Variants in MCPH1 observed in about 807,000 individuals in gnomAD.
The protein encoded by MCPH1 is microcephalin 1.
MCPH1 carries 104 observed loss-of-function variants against 84.5 expected under a neutral mutation model. The observed-to-expected ratio is 1.23, with a 90% CI of 1.05 to 1.45. The LOEUF (loss-of-function observed/expected upper bound fraction) is 1.45. MCPH1 is among the 40% of genes most tolerant of loss of function. The pLI is 0.00. For missense variants in MCPH1, 1,498 were observed against 1,005.7 expected (o/e 1.49, Z -6.62); for synonymous variants, 514 against 366.8 (o/e 1.40, Z -4.58).
At chr8:6,504,778 C>G (rs1419964816) in intron 12 of MCPH1, among the ~76,000 whole-genome samples, 3 of 152,086 alleles carry the variant, frequency 2.0e-5, no homozygotes, top group East Asian at 1.9e-4. Flanking sequence ...TGTTAAGTCT[C>G]TTGTGACTAG....
intron 9 of MCPH1, among the ~76,000 whole-genome samples, chr8:6,461,436 T>G (rs753260053): frequency 1.3e-5 from 2 of 151,644 alleles, no homozygotes; most frequent in African/African-American, 4.8e-5. Flanking sequence ...AAGTGATTCT[T>G]GTGTCTCAAC....
At chr8:6,407,752 C>T (rs1005289645) in intron 1 of MCPH1, among the ~76,000 whole-genome samples, 1 of 152,196 alleles carries the variant, frequency 6.6e-6, no homozygotes, top group Non-Finnish European at 1.5e-5. Context: ...TTTTAAACAT[C>T]AGGTTTTGAG....
At chr8:6,544,511 A>G (rs1268498019) in intron 12 of MCPH1, among the ~76,000 whole-genome samples, 3 of 152,216 alleles carry the variant, frequency 2.0e-5, no homozygotes, top group African/African-American at 7.2e-5. Flanking sequence ...ACAAAATACC[A>G]GCTCTAGGGA....
chr8:6,540,991 G>T lies in MCPH1; in HGVS notation c.2214+41062G>T, dbSNP rs569887039. Among the ~76,000 whole-genome samples, 3 of 152,186 alleles carry T rather than the reference G, an allele frequency of 2.0e-5. No individual in the cohort carries two copies. The East Asian group carries it at 5.8e-4, about 30-fold the overall frequency. ...CCAGGGGGCAGGTGGAGCCTAGTGG[G>T]CATTCATGACCCAGGTTTTGGAGCT... On this transcript the variant is annotated intron_variant, in intron 12 of 13. Transcript: ENST00000344683.
chr8:6,549,777 T>C (rs1823290880), intron 12 of MCPH1, among the ~76,000 whole-genome samples: 2 of 152,214 alleles, frequency 1.3e-5, no homozygotes, highest in Non-Finnish European at 2.9e-5. Context: ...GTCCTCTATA[T>C]CTTGAGCTGG....
chr8:6,486,135 C>T (rs1165759033), intron 11 of MCPH1, among the ~76,000 whole-genome samples: 3 of 152,194 alleles, frequency 2.0e-5, no homozygotes, highest in Non-Finnish European at 2.9e-5. Flanking sequence ...GCTTAGCACC[C>T]ACTTTAATAT....
At chr8:6,468,514 A>G (rs916127529) in intron 9 of MCPH1, among the ~76,000 whole-genome samples, 1 of 152,242 alleles carries the variant, frequency 6.6e-6, no homozygotes, top group Non-Finnish European at 1.5e-5. Context: ...GTGCATGTGT[A>G]GACCCCATGG....
At chr8:6,524,698 T>C (rs974993923) in intron 12 of MCPH1, among the ~76,000 whole-genome samples, 4 of 152,170 alleles carry the variant, frequency 2.6e-5, no homozygotes, top group Non-Finnish European at 5.9e-5. Context: ...GTTTTGATGG[T>C]CTTCACATCA....
intron 12 of MCPH1, among the ~76,000 whole-genome samples, chr8:6,524,983 T>C (rs1818058665): frequency 6.6e-6 from 1 of 152,252 alleles, no homozygotes. Context: ...CATGTCTGTC[T>C]AGGTGAATAT....
intron 9 of MCPH1, among the ~76,000 whole-genome samples, chr8:6,455,669 C>A (rs1805595681): frequency 6.6e-6 from 1 of 152,216 alleles, no homozygotes; most frequent in African/African-American, 2.4e-5. Flanking sequence ...TATACTAACA[C>A]TCAGGTACAC....
intron 12 of MCPH1, chr8:6,502,867 G>A: frequency 2.0e-6 from 1 of 506,324 alleles, no homozygotes; most frequent in Non-Finnish European, 3.5e-6. Context: ...CTTTGCATAG[G>A]TGTTCTGTCT....
At chr8:6,473,938 C>G (rs1808097031) in intron 9 of MCPH1, 1 of 1,446,832 alleles carries the variant, frequency 6.9e-7, no homozygotes, top group African/African-American at 1.4e-5. Flanking sequence ...GCAGCCGATG[C>G]ACAACTTCTT....
At chr8:6,504,174 C>G (rs2515599) in intron 12 of MCPH1, among the ~76,000 whole-genome samples, 6 of 151,728 alleles carry the variant, frequency 4.0e-5, no homozygotes, top group Non-Finnish European at 7.4e-5. Flanking sequence ...AAAAATTAGC[C>G]GGGCGTGGTG....
chr8:6,500,722 A>G (rs938849331), intron 12 of MCPH1: 1 of 152,202 alleles, frequency 6.6e-6, no homozygotes. Context: ...TTAAGGAGAG[A>G]CAAAAGCTCC....
At chr8:6,464,116 G>T (rs772133854) in intron 9 of MCPH1, among the ~76,000 whole-genome samples, 2 of 152,164 alleles carry the variant, frequency 1.3e-5, no homozygotes, top group Non-Finnish European at 2.9e-5. Flanking sequence ...CCCGCTGTAC[G>T]CAGAAAGATA....
At chr8:6,631,056 G>C (rs3020264) in intron 13 of MCPH1, among the ~76,000 whole-genome samples, 6 of 152,010 alleles carry the variant, frequency 3.9e-5, no homozygotes, top group African/African-American at 1.4e-4. Flanking sequence ...AAATGCATAC[G>C]GCAACCAGGC....
intron 13 of MCPH1, among the ~76,000 whole-genome samples, chr8:6,639,083 G>A (rs937300689): frequency 6.6e-5 from 10 of 152,180 alleles, no homozygotes; most frequent in Non-Finnish European, 1.3e-4. Context: ...TCTTGTCTCT[G>A]TTTAAAGATC....
At chr8:6,505,181 TATATATATATTCTTATGTATATATAGA>T (rs1813054735) in intron 12 of MCPH1, among the ~76,000 whole-genome samples, 1 of 143,688 alleles carries the variant, frequency 7.0e-6, no homozygotes, top group Admixed American at 7.2e-5. Context: ...AAAGAATATA[TATATATATATTCTTATGTATATATAGA>T]ATATATATAT....
At chr8:6,432,580 C>T (rs1356857394) in intron 4 of MCPH1, among the ~76,000 whole-genome samples, 1 of 152,236 alleles carries the variant, frequency 6.6e-6, no homozygotes, top group Non-Finnish European at 1.5e-5. Context: ...TGAAACATCA[C>T]AGCCAGCTTG....
Sources: gnomAD v4.1 joint callset for allele counts (sites outside exome capture counted in the v4.1 genomes callset) on GRCh38, gnomAD v4.1.1 for gene constraint, MANE v1.5 for transcripts, NCBI Gene and HGNC (gene_info 2026-07-23, HGNC 2026-07-21) for gene names.